The following PRICKLE2 variants were observed in gnomAD, a reference collection of about 807,000 sequenced individuals.
PRICKLE2 encodes the protein prickle-like protein 2.
In PRICKLE2, 21 loss-of-function variants were observed where a neutral mutation model predicts 81.4. The observed-to-expected ratio is 0.26, with a 90% CI of 0.18 to 0.37. The LOEUF (loss-of-function observed/expected upper bound fraction) is 0.37. Ranked by LOEUF, PRICKLE2 falls within the 10% of genes least tolerant of loss-of-function variation. The probability of loss-of-function intolerance (pLI) is 1.00; values close to 1 mark genes in which losing one functional copy is unlikely to be tolerated. For missense variants in PRICKLE2, 940 were observed against 1,109.0 expected (o/e 0.85, Z 2.16); for synonymous variants, 456 against 421.5 (o/e 1.08, Z -1.00).
chr3:64,201,339 G>A lies in PRICKLE2; in HGVS notation c.-40-2372C>T, dbSNP rs1053512880. Reference sequence around the variant, plus strand: ...CCCAAATTGTTTTCACAAAATATCTGTACCTTTGTACATTCCCACCACTGA... The same window carrying A: ...CCCAAATTGTTTTCACAAAATATCTATACCTTTGTACATTCCCACCACTGA... On this transcript the variant is annotated intron_variant, in intron 1 of 7. Coordinates refer to ENST00000638394, the MANE Select transcript of PRICKLE2 (RefSeq NM_198859.4). 1.7e-4 allele frequency among the ~76,000 whole-genome samples: 26 copies of A among 152,240 alleles called. 1 individual carries two copies. Among genetic ancestry groups the A allele is most frequent in the African/African-American group, 5.8e-4 (24 of 41,556 alleles).
chr3:64,209,874 C>A (rs1960454), intron 1 of PRICKLE2, among the ~76,000 whole-genome samples: 1 of 152,050 alleles, frequency 6.6e-6, no homozygotes, highest in East Asian at 1.9e-4. Flanking sequence ...TGGGTGAGGA[C>A]GGGCCTCCCA....
intron 7 of PRICKLE2, among the ~76,000 whole-genome samples, chr3:64,135,982 G>A (rs1483237299): frequency 1.3e-5 from 2 of 152,070 alleles, no homozygotes; most frequent in East Asian, 1.9e-4. Flanking sequence ...GATGCAGTCC[G>A]TGATGATTCC....
In PRICKLE2 at chr3:64,160,006, G is replaced by C. The variant is rs751122249; in HGVS notation, c.330C>G (p.Arg110=). The C allele has an allele frequency of 3.1e-6, 5 of 1,613,992 alleles. No individual in the cohort carries two copies. The highest frequency in any genetic ancestry group is 4.2e-6 in the Non-Finnish European group (5 of 1,180,022). Residue 110 remains arginine, a synonymous_variant, in exon 4 of 8, where the codon CGC becomes CGG. Coordinates refer to ENST00000638394, the MANE Select transcript of PRICKLE2 (RefSeq NM_198859.4). ...ELKLFSSQRK[R]ENLGRGNVRP... is the part of the protein sequence containing the mutation. ...TGACATTCCCGCGGCCCAAGTTTTCGCGTTTCCTCTGGCTGCTGAAAAGCT... is the reference window on the plus strand; with the variant it reads ...TGACATTCCCGCGGCCCAAGTTTTCCCGTTTCCTCTGGCTGCTGAAAAGCT...
At chr3:64,146,374 G>T (rs1193683907) in intron 7 of PRICKLE2, 2 of 197,068 alleles carry the variant, frequency 1.0e-5, no homozygotes, top group Non-Finnish European at 2.1e-5. Context: ...ATCAAAGATA[G>T]AAGCCATCTC....
intron 7 of PRICKLE2, chr3:64,101,960 C>G (rs968624108): frequency 5.9e-5 from 9 of 152,224 alleles, no homozygotes; most frequent in African/African-American, 2.2e-4. Context: ...TGAGATGCAA[C>G]TGCACCCTGC....
intron 7 of PRICKLE2, among the ~76,000 whole-genome samples, chr3:64,139,052 T>C (rs1352521266): frequency 6.6e-6 from 1 of 152,252 alleles, no homozygotes; most frequent in Non-Finnish European, 1.5e-5. Flanking sequence ...GTGGTTCCAG[T>C]TGTTGCTTTA....
At chr3:64,121,322 T>C (rs999737889) in intron 7 of PRICKLE2, among the ~76,000 whole-genome samples, 18 of 152,124 alleles carry the variant, frequency 1.2e-4, no homozygotes, top group African/African-American at 4.3e-4. Context: ...TTCAGTGCAG[T>C]AGGAATTTTC....
In PRICKLE2 at chr3:64,115,984, A is replaced by G. The variant is rs189219767; in HGVS notation, c.1661-16059T>C. Among the ~76,000 whole-genome samples the G allele has an allele frequency of 1.2e-3, 182 of 152,326 alleles. 1 individual carries two copies. The highest frequency in any genetic ancestry group is 4.3e-3 in the African/African-American group (178 of 41,580). Reference sequence around the variant, plus strand: ...CATCAAATGCAAAAGAACTGAAATCATAACAAACAATCTCTCAGACCACAG... The same window carrying G: ...CATCAAATGCAAAAGAACTGAAATCGTAACAAACAATCTCTCAGACCACAG... On this transcript the variant is annotated intron_variant, in intron 7 of 7. Coordinates refer to ENST00000638394, the MANE Select transcript of PRICKLE2 (RefSeq NM_198859.4).
chr3:64,157,353 T>C lies in PRICKLE2; in HGVS notation c.409A>G (p.Ile137Val). 6.2e-7 allele frequency: 1 copy of C among 1,613,170 alleles called. No individual in the cohort carries two copies. Among genetic ancestry groups the C allele is most frequent in the Non-Finnish European group, 8.5e-7 (1 of 1,180,024 alleles). ...AACACAGCGATGTCTCCACCATTGA[T>C]CTGGCCTCCGCACTGTGAGGCAAAC... Reference protein sequence around the residue: ...GAICEQCGGQINGGDIAVFAS... With the variant: ...GAICEQCGGQVNGGDIAVFAS... The change falls in exon 5 of 8, where the codon ATC becomes GTC. Residue 137 changes from isoleucine to valine, a missense_variant. Transcript: ENST00000638394.
chr3:64,154,888 C>A (rs1022001482), intron 5 of PRICKLE2: 1 of 152,040 alleles, frequency 6.6e-6, no homozygotes, highest in Non-Finnish European at 1.5e-5. Context: ...GTGGCTCACA[C>A]CTGTAATCCC....
intron 7 of PRICKLE2, among the ~76,000 whole-genome samples, chr3:64,116,153 A>C (rs1575554573): frequency 6.6e-6 from 1 of 152,250 alleles, no homozygotes; most frequent in African/African-American, 2.4e-5. Flanking sequence ...AGTAATGACA[A>C]CAAAGATACA....
intron 1 of PRICKLE2, among the ~76,000 whole-genome samples, chr3:64,205,162 A>C (rs1350930670): frequency 2.6e-5 from 4 of 151,356 alleles, no homozygotes; most frequent in African/African-American, 9.7e-5. Flanking sequence ...TTGACATTCT[A>C]TCTGCACATA....
At chr3:64,119,078 G>A (rs2076985622) in intron 7 of PRICKLE2, among the ~76,000 whole-genome samples, 1 of 152,180 alleles carries the variant, frequency 6.6e-6, no homozygotes, top group Non-Finnish European at 1.5e-5. Context: ...CAGAGACATG[G>A]ATGGAGCTGG....
intron 7 of PRICKLE2, chr3:64,146,287 C>T (rs1023782501): frequency 6.1e-6 from 1 of 162,972 alleles, no homozygotes; most frequent in East Asian, 1.7e-4. Flanking sequence ...TTCTCTCACT[C>T]CCCTTCTCCT....
chr3:64,209,941 A>G lies in PRICKLE2; in HGVS notation c.-40-10974T>C, dbSNP rs141306855. On this transcript the variant is annotated intron_variant, in intron 1 of 7. Coordinates refer to ENST00000638394, the MANE Select transcript of PRICKLE2 (RefSeq NM_198859.4). ...CTATGAGGCAGATATGAGAAAAATC[A>G]GAGTACGAGTTTTCCCGGCAGAGAA... is the stretch of plus-strand genomic sequence containing the variant. 1.5e-3 allele frequency among the ~76,000 whole-genome samples: 233 copies of G among 152,334 alleles called. 1 individual carries two copies. Among genetic ancestry groups the G allele is most frequent in the African/African-American group, 5.4e-3 (225 of 41,570 alleles).
In PRICKLE2 at chr3:64,198,211, AAAATAAATAAATAAATAAAT is replaced by A. The variant is rs71099792; in HGVS notation, c.144+553_144+572del. Among the ~76,000 whole-genome samples the A allele has an allele frequency of 7.0e-3, 1,015 of 145,158 alleles. 9 individuals are homozygous for A. Among genetic ancestry groups the A allele is most frequent in the African/African-American group, 0.024 (947 of 39,620 alleles). ...TGGGCGACAGAGCGAGACTCTATCT[AAAATAAATAAATAAATAAAT>A]AAATAAATAAATAAATAAATAAATA... On this transcript the variant is annotated intron_variant, in intron 2 of 7. Transcript: ENST00000638394.
At chr3:64,100,874 A>T (rs2076648364) in intron 7 of PRICKLE2, 2 of 152,196 alleles carry the variant, frequency 1.3e-5, no homozygotes, top group Admixed American at 1.3e-4. Context: ...TCCACTCATT[A>T]CATATTGCAA....
At chr3:64,207,479 C>T (rs111406223) in intron 1 of PRICKLE2, among the ~76,000 whole-genome samples, 24 of 152,232 alleles carry the variant, frequency 1.6e-4, no homozygotes, top group Middle Eastern at 3.4e-3. Flanking sequence ...CCTCATCAGC[C>T]AGAGCCAGGG....
rs2076614473 is a variant in PRICKLE2, at chr3:64,099,259, G to C, written c.2327C>G (p.Ser776Cys). The C allele has an allele frequency of 6.2e-7, 1 of 1,614,134 alleles. No homozygotes were observed. The highest frequency in any genetic ancestry group is 8.5e-7 in the Non-Finnish European group (1 of 1,180,018). The change falls in exon 8 of 8, where the codon TCC (serine) becomes TGC (cysteine). Residue 776 changes from serine to cysteine, a missense_variant. By Grantham distance (112) the Ser-to-Cys change is moderately radical. This residue lies in a region of PRICKLE2 where 670 missense variants were observed against 717.2 expected (regional missense o/e 0.93). Coordinates refer to ENST00000638394, the MANE Select transcript of PRICKLE2 (RefSeq NM_198859.4). This position sits in a 1 kb window ranked among gnomAD's most constrained non-coding sequence, Gnocchi z 4.3. ...GPYFAEYDWCSTCSSSSESDN... is the reference protein window; with the variant it reads ...GPYFAEYDWCCTCSSSSESDN... ...AGACTCTGAAGAGGAGGAGCAGGTG[G>C]AACACCAATCATACTCGGCGAAGTA...
Sources: gnomAD v4.1 joint callset for allele counts (sites outside exome capture counted in the v4.1 genomes callset) on GRCh38, gnomAD v4.1.1 for gene constraint, gnomAD v4.1.1 regional missense constraint, Gnocchi (gnomAD v3.1) non-coding constraint, MANE v1.5 for transcripts, NCBI Gene and HGNC (gene_info 2026-07-23, HGNC 2026-07-21) for gene names.